Variants in STT3B observed in about 807,000 individuals in gnomAD.
STT3B encodes the protein dolichyl-diphosphooligosaccharide--protein glycosyltransferase subunit STT3B.
Under a neutral mutation model 96.8 loss-of-function variants are expected in STT3B, and 29 were observed. The ratio of observed to expected loss-of-function variants is 0.30; its 90% CI spans 0.22 to 0.41. The LOEUF (loss-of-function observed/expected upper bound fraction) is 0.41, where lower values mean the gene tolerates loss of function less well. STT3B is among the 10% of genes least tolerant of loss of function. The pLI is 1.00. For synonymous variants in STT3B, 367 were observed against 360.0 expected, an observed-to-expected ratio of 1.02 and a Z score of -0.22; for missense variants, 640 against 1,022.3, an observed-to-expected ratio of 0.63 and a Z score of 5.10.
chr3:31,587,484 CCCTCCCACCTCAG>C (rs1210715989), intron 3 of STT3B, among the ~76,000 whole-genome samples: 1 of 151,936 alleles, frequency 6.6e-6, no homozygotes, highest in Non-Finnish European at 1.5e-5. Flanking sequence ...CCTCAAGCTA[CCCTCCCACCTCAG>C]CCTCCCAAAG....
intron 1 of STT3B, among the ~76,000 whole-genome samples, chr3:31,534,641 A>G (rs1181718425): frequency 6.6e-6 from 1 of 152,194 alleles, no homozygotes; most frequent in African/African-American, 2.4e-5. Flanking sequence ...GTAATATACC[A>G]GATTTAAGTT....
In STT3B at chr3:31,636,206, C is replaced by A; in HGVS notation, c.*142C>A. 1 of 535,122 alleles carries A rather than the reference C, an allele frequency of 1.9e-6. No individual in the cohort carries two copies. The highest frequency in any genetic ancestry group is 4.9e-5 in the South Asian group (1 of 20,330). The allele number at this position is 535,122 out of a possible 1,614,324, so 33.1% of individuals were successfully genotyped here. A position where few individuals can be genotyped will look rare whatever the true frequency, so the allele number is the denominator to read the frequency against. On this transcript the variant is annotated 3_prime_UTR_variant, in exon 16 of 16. Transcript: ENST00000295770. ...AATGTACAAAATTTTCTGGCAATGC[C>A]TGATTAAAAAAATAAAATTGGCTTG...
At chr3:31,588,742 C>G (rs1349852216) in intron 3 of STT3B, among the ~76,000 whole-genome samples, 1 of 151,954 alleles carries the variant, frequency 6.6e-6, no homozygotes, top group Non-Finnish European at 1.5e-5. Flanking sequence ...GGTTGTCCAG[C>G]TGTTACAGCA....
chr3:31,604,848 A>T (rs918208094), intron 5 of STT3B, among the ~76,000 whole-genome samples: 3 of 152,194 alleles, frequency 2.0e-5, no homozygotes, highest in Non-Finnish European at 4.4e-5. Context: ...GTAAGAGTAC[A>T]TACTCCAGAG....
intron 15 of STT3B, among the ~76,000 whole-genome samples, chr3:31,635,663 G>A (rs1475153954): frequency 2.0e-5 from 3 of 152,184 alleles, no homozygotes. Flanking sequence ...CCTTAGTCTA[G>A]TGTTACATAT....
At chr3:31,553,631 C>A (rs1017546249) in intron 1 of STT3B, among the ~76,000 whole-genome samples, 1 of 152,154 alleles carries the variant, frequency 6.6e-6, no homozygotes, top group Non-Finnish European at 1.5e-5. Flanking sequence ...TGGGAACTTT[C>A]ATCATGAGGG....
intron 13 of STT3B, among the ~76,000 whole-genome samples, chr3:31,627,132 G>C (rs1441146335): frequency 6.6e-6 from 1 of 152,144 alleles, no homozygotes; most frequent in Non-Finnish European, 1.5e-5. Flanking sequence ...CCAGACCCCA[G>C]GCAGCGGACC....
intron 1 of STT3B, among the ~76,000 whole-genome samples, chr3:31,572,722 G>A (rs951336873): frequency 6.6e-6 from 1 of 152,150 alleles, no homozygotes; most frequent in African/African-American, 2.4e-5. Context: ...TTAGCTGAGT[G>A]TGATGGCACA....
At chr3:31,608,507 A>G (rs1478374997) in intron 5 of STT3B, among the ~76,000 whole-genome samples, 1 of 152,156 alleles carries the variant, frequency 6.6e-6, no homozygotes, top group South Asian at 2.1e-4. Flanking sequence ...GTTCACAAGG[A>G]TTAGTCCTCC....
chr3:31,561,507 C>T (rs886825011), intron 1 of STT3B, among the ~76,000 whole-genome samples: 5 of 152,062 alleles, frequency 3.3e-5, no homozygotes, highest in African/African-American at 1.2e-4. Context: ...TCAAATAGGT[C>T]TTATTCATTC....
chr3:31,555,571 T>G (rs575939068), intron 1 of STT3B, among the ~76,000 whole-genome samples: 102 of 152,244 alleles, frequency 6.7e-4, no homozygotes, highest in African/African-American at 2.3e-3. Context: ...ACATTACACA[T>G]TTGAATCATA....
intron 5 of STT3B, among the ~76,000 whole-genome samples, chr3:31,605,115 G>A (rs1291937962): frequency 6.6e-6 from 1 of 152,108 alleles, no homozygotes; most frequent in Non-Finnish European, 1.5e-5. Context: ...TAGCCAGATA[G>A]ACAAAAGAGT....
chr3:31,535,738 T>C (rs560947761), intron 1 of STT3B, among the ~76,000 whole-genome samples: 21 of 152,176 alleles, frequency 1.4e-4, no homozygotes, highest in Non-Finnish European at 1.9e-4. Context: ...AAAGAAAATA[T>C]GTTTTGCTTC....
At chr3:31,560,329 G>C (rs568046273) in intron 1 of STT3B, among the ~76,000 whole-genome samples, 1 of 151,852 alleles carries the variant, frequency 6.6e-6, no homozygotes, top group Non-Finnish European at 1.5e-5. Flanking sequence ...TCTTTTCTTT[G>C]TGTGTGTGTT....
chr3:31,555,716 C>T (rs9833342), intron 1 of STT3B, among the ~76,000 whole-genome samples: 100,032 of 151,890 alleles, frequency 0.66, 34,061 homozygotes, highest in Non-Finnish European at 0.75. Context: ...TAAACTAGGA[C>T]ACCCTTAAAG....
chr3:31,565,838 A>G (rs566280573), intron 1 of STT3B, among the ~76,000 whole-genome samples: 1 of 152,202 alleles, frequency 6.6e-6, no homozygotes, highest in Admixed American at 6.5e-5. Flanking sequence ...AGTCAGACAT[A>G]TATTAGACTT....
intron 3 of STT3B, among the ~76,000 whole-genome samples, chr3:31,588,959 C>G (rs1186957977): frequency 6.6e-6 from 1 of 152,038 alleles, no homozygotes; most frequent in Non-Finnish European, 1.5e-5. Context: ...TAGCTAGTCT[C>G]AGTCTTTTGC....
At chr3:31,614,891 CA>C (rs1172918042) in intron 5 of STT3B, among the ~76,000 whole-genome samples, 4 of 151,822 alleles carry the variant, frequency 2.6e-5, no homozygotes, top group African/African-American at 9.7e-5. Flanking sequence ...TAATGATCTG[CA>C]AAATATAGTA....
chr3:31,580,729 A>G (rs551569681), intron 3 of STT3B, among the ~76,000 whole-genome samples: 1 of 152,146 alleles, frequency 6.6e-6, no homozygotes, highest in Non-Finnish European at 1.5e-5. Context: ...CTACTTGGCT[A>G]ATGAGTATTT....
Sources: allele counts gnomAD v4.1 joint callset (sites outside exome capture counted in the v4.1 genomes callset), GRCh38; gene constraint gnomAD v4.1.1; transcripts MANE v1.5; gene names NCBI Gene and HGNC (gene_info 2026-07-23, HGNC 2026-07-21).